Variants in GLIS3 observed in about 807,000 individuals in gnomAD.
GLIS3 encodes the protein zinc finger protein GLIS3.
A neutral mutation model predicts 78.6 loss-of-function variants in GLIS3; 53 were observed. The observed-to-expected ratio is 0.67, with a 90% CI of 0.54 to 0.85. The LOEUF (loss-of-function observed/expected upper bound fraction) is 0.85, where lower values mean the gene tolerates loss of function less well. Ranked by LOEUF, GLIS3 falls within the 40% of genes least tolerant of loss-of-function variation. GLIS3 has a pLI of 0.00. For synonymous variants in GLIS3, 684 were observed against 509.9 expected, an observed-to-expected ratio of 1.34 and a Z score of -4.60; for missense variants, 1,703 against 1,231.1, an observed-to-expected ratio of 1.38 and a Z score of -5.74.
intron 4 of GLIS3, among the ~76,000 whole-genome samples, chr9:3,954,743 T>C (rs1463199939): frequency 6.6e-6 from 1 of 152,240 alleles, no homozygotes; most frequent in Non-Finnish European, 1.5e-5. Flanking sequence ...CTGTATCTTA[T>C]GGAGAAAGAA....
the GLIS3 span, among the ~76,000 whole-genome samples, chr9:4,391,165 G>A: frequency 7.2e-5 from 11 of 152,120 alleles, no homozygotes; most frequent in African/African-American, 2.7e-4. Context: ...GGCTTTACCT[G>A]GAGGTCAGTG....
chr9:4,223,451 G>T (rs1821504368), intron 2 of GLIS3, among the ~76,000 whole-genome samples: 2 of 152,104 alleles, frequency 1.3e-5, no homozygotes, highest in African/African-American at 4.8e-5. Context: ...AAACCATACA[G>T]AGCCAAGTTT....
intron 2 of GLIS3, among the ~76,000 whole-genome samples, chr9:4,150,064 G>T (rs1834551634): frequency 6.6e-6 from 1 of 151,250 alleles, no homozygotes. Context: ...ACACACAGAT[G>T]AGCACAAAGA....
intron 2 of GLIS3, among the ~76,000 whole-genome samples, chr9:4,131,873 T>C (rs1172335913): frequency 2.0e-5 from 3 of 152,128 alleles, no homozygotes; most frequent in Non-Finnish European, 2.9e-5. Context: ...ACTGCTACTG[T>C]TGTTATTGAT....
the GLIS3 span, among the ~76,000 whole-genome samples, chr9:4,475,231 A>G: frequency 6.6e-6 from 1 of 152,204 alleles, no homozygotes; most frequent in East Asian, 1.9e-4. Context: ...ACATATGTCC[A>G]GAAAAGGGCT....
intron 1 of GLIS3, among the ~76,000 whole-genome samples, chr9:4,293,252 C>G (rs1251069440): frequency 1.3e-5 from 2 of 152,190 alleles, no homozygotes; most frequent in Non-Finnish European, 2.9e-5. Context: ...ATGGAAGATT[C>G]TAGAAATAAA....
the GLIS3 span, among the ~76,000 whole-genome samples, chr9:4,414,867 G>C: frequency 4.0e-5 from 6 of 151,554 alleles, no homozygotes; most frequent in Admixed American, 3.9e-4. Flanking sequence ...ATCCTGTTAG[G>C]TCAGTTTAGC....
At chr9:4,280,811 TAGA>T (rs1827476268) in intron 2 of GLIS3, among the ~76,000 whole-genome samples, 1 of 151,800 alleles carries the variant, frequency 6.6e-6, no homozygotes, top group Non-Finnish European at 1.5e-5. Context: ...TTGTGCAATC[TAGA>T]AGAAGACTAA....
At chr9:4,307,319 A>T (rs1354219859) in intron 4 of GLIS3, among the ~76,000 whole-genome samples, 3 of 152,178 alleles carry the variant, frequency 2.0e-5, no homozygotes, top group Non-Finnish European at 2.9e-5. Flanking sequence ...GTAAAATTTA[A>T]GAACAAGATC....
chr9:4,127,734 A>G (rs573529295), intron 2 of GLIS3, among the ~76,000 whole-genome samples: 1 of 152,186 alleles, frequency 6.6e-6, no homozygotes, highest in African/African-American at 2.4e-5. Context: ...TCCCATTGCT[A>G]CTAGCCACTA....
intron 2 of GLIS3, among the ~76,000 whole-genome samples, chr9:4,138,231 T>C (rs564885765): frequency 1.3e-5 from 2 of 152,260 alleles, no homozygotes; most frequent in South Asian, 4.1e-4. Context: ...AAAGAATGAA[T>C]GGAAGGGAGG....
intron 2 of GLIS3, among the ~76,000 whole-genome samples, chr9:4,140,833 TTATTGCC>T (rs1833758552): frequency 1.3e-5 from 2 of 151,338 alleles, no homozygotes; most frequent in African/African-American, 4.9e-5. Flanking sequence ...AGTTTTGCTC[TTATTGCC>T]CAGATTGGAG....
At chr9:4,480,831 C>T in the GLIS3 span, among the ~76,000 whole-genome samples, 1 of 143,114 alleles carries the variant, frequency 7.0e-6, no homozygotes, top group African/African-American at 2.7e-5. Flanking sequence ...ACTACACCTT[C>T]ATTGAAAAAA....
At chr9:4,385,870 A>C in the GLIS3 span, among the ~76,000 whole-genome samples, 2 of 152,130 alleles carry the variant, frequency 1.3e-5, no homozygotes, top group East Asian at 3.9e-4. Context: ...CACAAGGCTC[A>C]CCCCAACCCT....
At chr9:3,945,016 G>A (rs551634370) in intron 4 of GLIS3, among the ~76,000 whole-genome samples, 3 of 152,276 alleles carry the variant, frequency 2.0e-5, no homozygotes, top group South Asian at 4.1e-4. Flanking sequence ...GTGAGAACTC[G>A]CTCACTCCTG....
chr9:3,893,168 C>T (rs1822576773), intron 7 of GLIS3, among the ~76,000 whole-genome samples: 1 of 152,150 alleles, frequency 6.6e-6, no homozygotes, highest in South Asian at 2.1e-4. Flanking sequence ...GATAAAGCCG[C>T]AATTGCCCAG....
At chr9:4,391,790 T>C in the GLIS3 span, among the ~76,000 whole-genome samples, 3 of 152,166 alleles carry the variant, frequency 2.0e-5, no homozygotes, top group Non-Finnish European at 4.4e-5. Context: ...CAAATGTACA[T>C]ATTTTTGGGG....
At chr9:4,401,564 T>A in the GLIS3 span, among the ~76,000 whole-genome samples, 1 of 146,404 alleles carries the variant, frequency 6.8e-6, no homozygotes, top group Admixed American at 6.8e-5. Flanking sequence ...GTGCCTGTCC[T>A]TTCTTTCTTT....
intron 2 of GLIS3, among the ~76,000 whole-genome samples, chr9:4,155,336 T>C (rs187296000): frequency 2.5e-3 from 381 of 152,320 alleles, no homozygotes; most frequent in African/African-American, 8.7e-3. Flanking sequence ...AGCAGTGGAT[T>C]ACACCTGGAA....
Sources: gnomAD v4.1 joint callset for allele counts (sites outside exome capture counted in the v4.1 genomes callset) on GRCh38, gnomAD v4.1.1 for gene constraint, MANE v1.5 for transcripts, NCBI Gene and HGNC (gene_info 2026-07-23, HGNC 2026-07-21) for gene names.